ANKRD17: variants seen among roughly 807,000 people sequenced by gnomAD.
ANKRD17 encodes ankyrin repeat domain 17, also known as ankyrin repeat domain-containing protein 17.
In ANKRD17, 19 loss-of-function variants were observed where a neutral mutation model predicts 229.7. The ratio of observed to expected loss-of-function variants is 0.08; its 90% confidence interval spans 0.06 to 0.12. The LOEUF (loss-of-function observed/expected upper bound fraction) is 0.12, where lower values mean the gene tolerates loss of function less well. ANKRD17 is among the 10% of genes least tolerant of loss of function. The pLI is 1.00. For missense variants in ANKRD17, 2,176 were observed against 3,176.8 expected (o/e 0.68, Z 7.57); for synonymous variants, 1,112 against 1,146.1 (o/e 0.97, Z 0.60).
chr4:73,233,090 A>C (rs1054992464), intron 1 of ANKRD17, among the ~76,000 whole-genome samples: 7 of 152,196 alleles, frequency 4.6e-5, no homozygotes, highest in Non-Finnish European at 1.0e-4. Context: ...CAAAGGCTAC[A>C]AAGGCACAAG....
chr4:73,256,808 T>C (rs750407487), intron 1 of ANKRD17, among the ~76,000 whole-genome samples: 16 of 152,192 alleles, frequency 1.1e-4, no homozygotes, highest in Non-Finnish European at 2.4e-4. Context: ...AGTCTATCAA[T>C]ACAAACCTAT....
chr4:73,211,920 TAC>T (rs2149161084), intron 1 of ANKRD17, among the ~76,000 whole-genome samples: 1 of 150,482 alleles, frequency 6.6e-6, no homozygotes, highest in South Asian at 2.1e-4. Flanking sequence ...AACTATATGG[TAC>T]AACTAAATTT....
intron 33 of ANKRD17, 106 bp downstream of exon 33, chr4:73,076,834 C>T: frequency 7.5e-7 from 1 of 1,329,894 alleles, no homozygotes; most frequent in Non-Finnish European, 1.0e-6. Context: ...CCTCAACTGC[C>T]CATATTCACC....
At chr4:73,111,488 T>C (rs542347226) in intron 24 of ANKRD17, among the ~76,000 whole-genome samples, 1 of 152,306 alleles carries the variant, frequency 6.6e-6, no homozygotes, top group South Asian at 2.1e-4. Flanking sequence ...TGTTTATTTC[T>C]GGAATTTTCC....
intron 1 of ANKRD17, among the ~76,000 whole-genome samples, chr4:73,231,787 A>T (rs1234774949): frequency 6.6e-6 from 1 of 152,186 alleles, no homozygotes; most frequent in Admixed American, 6.5e-5. Context: ...CCCATACTCC[A>T]AAAAGGGGAG....
chr4:73,218,642 CAA>C (rs919657671), intron 1 of ANKRD17, among the ~76,000 whole-genome samples: 27 of 59,664 alleles, frequency 4.5e-4, no homozygotes, highest in East Asian at 3.3e-3. Context: ...GACTCTGTCT[CAA>C]AAAAAAAAAA....
rs901052532 is a variant in ANKRD17, at chr4:73,125,222, T to C, written c.3325A>G (p.Ile1109Val). Residue 1109 changes from isoleucine to valine, a missense_variant, in exon 17 of 34, where the codon ATA becomes GTA. Ile to Val is a conservative substitution (Grantham distance 29). This residue lies in a region of ANKRD17 where 178 missense variants were observed against 421.7 expected (regional missense o/e 0.42). Transcript: ENST00000358602. ...VQTLLERGAS[I>V]EHRDKKGFTP... The stretch of plus-strand genomic sequence containing the variant: ...CTACCTTTCTTGTCTCGGTGCTCTA[T>C]ACTAGCTCCTCTCTCTAGCAGTGTT... The C allele has an allele frequency of 6.2e-7, 1 of 1,613,560 alleles. No homozygotes were observed. Among genetic ancestry groups the C allele is most frequent in the Non-Finnish European group, 8.5e-7 (1 of 1,179,822 alleles).
intron 27 of ANKRD17, among the ~76,000 whole-genome samples, chr4:73,096,162 T>C (rs1723276043): frequency 6.6e-6 from 1 of 152,242 alleles, no homozygotes; most frequent in African/African-American, 2.4e-5. Flanking sequence ...ATCCCTGTTC[T>C]CTATATATAC....
chr4:73,164,948 A>G (rs1430223401), intron 2 of ANKRD17, among the ~76,000 whole-genome samples: 2 of 150,796 alleles, frequency 1.3e-5, no homozygotes, highest in African/African-American at 4.8e-5. Flanking sequence ...TATTACTAAC[A>G]CTATTAAACT....
At chr4:73,103,302 C>A (rs1454007631) in intron 24 of ANKRD17, among the ~76,000 whole-genome samples, 2 of 151,652 alleles carry the variant, frequency 1.3e-5, no homozygotes, top group Admixed American at 6.6e-5. Context: ...GAAAAAAAAA[C>A]CATAAAAGTT....
chr4:73,126,387 T>C (rs1306557920), intron 16 of ANKRD17, among the ~76,000 whole-genome samples: 1 of 152,024 alleles, frequency 6.6e-6, no homozygotes, highest in African/African-American at 2.4e-5. Flanking sequence ...ACACACAGGA[T>C]GTCAAGTAGA....
At chr4:73,108,524 A>G (rs1374144771) in intron 24 of ANKRD17, among the ~76,000 whole-genome samples, 2 of 152,208 alleles carry the variant, frequency 1.3e-5, no homozygotes, top group Non-Finnish European at 2.9e-5. Context: ...ACATCCAGAC[A>G]GGTAGGAGGA....
In ANKRD17 at chr4:73,140,033, C is replaced by T; in HGVS notation, c.2583G>A (p.Lys861=). 6.2e-7 allele frequency: 1 copy of T among 1,614,192 alleles called. No homozygotes were observed. Among genetic ancestry groups the T allele is most frequent in the Non-Finnish European group, 8.5e-7 (1 of 1,180,024 alleles). The change falls in exon 15 of 34, where the codon AAG becomes AAA. Residue 861 remains lysine (K), a synonymous_variant. Coordinates refer to ENST00000358602, the MANE Select transcript of ANKRD17 (RefSeq NM_032217.5). ...LNKTREEQIQ[K]KQKILEELQK... ...GTAGTTCCTCCAAAATCTTTTGTTT[C>T]TTCTGAATTTGTTCCTCCCTTGTTT...
At chr4:73,149,943 C>A (rs1007369283) in intron 7 of ANKRD17, among the ~76,000 whole-genome samples, 2 of 152,176 alleles carry the variant, frequency 1.3e-5, no homozygotes, top group African/African-American at 4.8e-5. Context: ...TAATTACTGG[C>A]AACTTCAAGG....
intron 1 of ANKRD17, among the ~76,000 whole-genome samples, chr4:73,187,087 G>T (rs570605803): frequency 5.9e-5 from 9 of 152,126 alleles, no homozygotes; most frequent in African/African-American, 2.2e-4. Context: ...ACCTGTTAGG[G>T]GTCAGACTGA....
At chr4:73,199,913 T>G (rs142782799) in intron 1 of ANKRD17, among the ~76,000 whole-genome samples, 66 of 152,326 alleles carry the variant, frequency 4.3e-4, no homozygotes, top group African/African-American at 1.6e-3. Flanking sequence ...GTGCTCTTAT[T>G]CTAACAGAGA....
At chr4:73,082,640 CT>C (rs1401377718) in intron 30 of ANKRD17, among the ~76,000 whole-genome samples, 3 of 152,162 alleles carry the variant, frequency 2.0e-5, no homozygotes, top group African/African-American at 7.2e-5. Flanking sequence ...TAAACATACC[CT>C]GAATTTAATC....
In ANKRD17 at chr4:73,092,115, G is replaced by C; in HGVS notation, c.5513C>G (p.Thr1838Arg). Residue 1838 changes from threonine to arginine, a missense_variant, in exon 29 of 34, where the codon ACA (threonine) becomes AGA (arginine). By Grantham distance (71) the Thr-to-Arg change is moderately conservative. This residue lies in a region of ANKRD17 where 142 missense variants were observed against 200.4 expected (regional missense o/e 0.71). Transcript: ENST00000358602. ...AGATGTTGATGACAGAGCTACAGTT[G>C]TCATTTTAATTCCCATTAAGGAAGT... ...ANTSLMGIKM[T>R]TVALSSTSQT... The C allele has an allele frequency of 1.9e-6, 3 of 1,614,202 alleles. No homozygotes were observed. The highest frequency in any genetic ancestry group is 2.5e-6 in the Non-Finnish European group (3 of 1,180,036).
At chr4:73,206,441 A>C (rs552896913) in intron 1 of ANKRD17, among the ~76,000 whole-genome samples, 2 of 152,036 alleles carry the variant, frequency 1.3e-5, no homozygotes, top group East Asian at 1.9e-4. Context: ...AGAGAGAGAG[A>C]GAGAGAGAGA....
Sources: gnomAD v4.1 joint callset for allele counts (sites outside exome capture counted in the v4.1 genomes callset) on GRCh38, gnomAD v4.1.1 for gene constraint, gnomAD v4.1.1 regional missense constraint, MANE v1.5 for transcripts, NCBI Gene and HGNC (gene_info 2026-07-23, HGNC 2026-07-21) for gene names.